SARM1: variants seen among roughly 807,000 people sequenced by gnomAD.
SARM1 encodes sterile alpha and TIR motif containing 1.
Under a neutral mutation model 65.1 loss-of-function variants are expected in SARM1, and 60 were observed. The observed-to-expected ratio is 0.92, with a 90% CI of 0.75 to 1.14. The LOEUF (loss-of-function observed/expected upper bound fraction) is 1.14. Among genes scored for constraint, SARM1 ranks in the 50% most tolerant of loss-of-function variants. The pLI, the probability that SARM1 is intolerant of heterozygous loss-of-function variation, is 0.00. For synonymous variants in SARM1, 417 were observed against 465.4 expected, an observed-to-expected ratio of 0.90 and a Z score of 1.34; for missense variants, 913 against 1,015.7, an observed-to-expected ratio of 0.90 and a Z score of 1.37.
In SARM1 at chr17:28,374,117, A is replaced by AAT. The variant is rs1555584373; in HGVS notation, c.470+1616_470+1617insTA. On this transcript the variant is annotated intron_variant, in intron 1 of 8. Coordinates refer to ENST00000585482, the MANE Select transcript of SARM1 (RefSeq NM_015077.4). ...CCCTGTCTCTACTAAAAAAAAAAAA[A>AAT]AATACAAAAATTAGCTGGGCATGGT... is the stretch of plus-strand genomic sequence containing the variant. The AAT allele has an allele frequency of 2.0e-3, 303 of 151,322 alleles. 1 individual carries two copies. The highest frequency in any genetic ancestry group is 7.1e-3 in the African/African-American group (291 of 41,184). The allele number at this position is 151,322 out of a possible 1,614,324, so 9.4% of individuals were successfully genotyped here.
Position 28,385,076 on chromosome 17 carries a change from C to A in SARM1, c.1431C>A (p.Ala477=). The change falls in exon 5 of 9, where the codon GCC becomes GCA. Residue 477 remains alanine (A), a synonymous_variant. Transcript: ENST00000585482. The surrounding 1 kb of genome is among the most constrained non-coding windows in gnomAD (Gnocchi z 4.5). ...FRELTELKTF[A]NYSTCDRSNL... ...AGCTCACGGAGCTCAAGACCTTCGC[C>A]AACTATTCTACGTGCGACCGCAGCA... is the stretch of plus-strand genomic sequence containing the variant. 6.2e-7 allele frequency: 1 copy of A among 1,613,902 alleles called. No homozygotes were observed. The highest frequency in any genetic ancestry group is 8.5e-7 in the Non-Finnish European group (1 of 1,179,854).
chr17:28,378,616 GTTTT>G (rs782037498), intron 1 of SARM1, among the ~76,000 whole-genome samples: 2 of 151,312 alleles, frequency 1.3e-5, no homozygotes. Context: ...GGTTTTATTG[GTTTT>G]TTTGTTTTTG....
intron 7 of SARM1, among the ~76,000 whole-genome samples, chr17:28,389,427 T>C (rs2142435302): frequency 6.6e-6 from 1 of 152,328 alleles, no homozygotes; most frequent in East Asian, 1.9e-4. Context: ...CCTGACGCAT[T>C]GTAGGAACTT....
Position 28,396,415 on chromosome 17 carries a change from C to A in SARM1, c.*129C>A. 9.6e-7 allele frequency: 1 copy of A among 1,042,186 alleles called. No homozygotes were observed. Among genetic ancestry groups the A allele is most frequent in the Non-Finnish European group, 1.4e-6 (1 of 706,854 alleles). 64.6% of individuals were successfully genotyped at this position (1,042,186 alleles called of 1,614,324 possible). ...CTTCTTAGGAAATGGCTCTCCCTCC[C>A]CCTGTCCCCCACCCTCATGGCCCAC... On this transcript the variant is annotated 3_prime_UTR_variant, in exon 9 of 9. Transcript: ENST00000585482.
At position 28,371,852 on chromosome 17, in the gene SARM1, G is replaced by A; in HGVS notation, c.-181G>A. Reference sequence around the variant, plus strand: ...CATCACCTTTGCCAACCGCTCCCCCGATCCTGCCGACACTCCTCCCCCAAA... The same window carrying A: ...CATCACCTTTGCCAACCGCTCCCCCAATCCTGCCGACACTCCTCCCCCAAA... On this transcript the variant is annotated 5_prime_UTR_variant, in exon 1 of 9. Transcript: ENST00000585482. 1 of 460,196 alleles carries A rather than the reference G, an allele frequency of 2.2e-6. No individual in the cohort carries two copies. Among genetic ancestry groups the A allele is most frequent in the Non-Finnish European group, 3.8e-6 (1 of 263,218 alleles). The allele number at this position is 460,196 out of a possible 1,614,324, so 28.5% of individuals were successfully genotyped here.
At chr17:28,389,857 G>A (rs979001170) in intron 7 of SARM1, among the ~76,000 whole-genome samples, 15 of 152,250 alleles carry the variant, frequency 9.9e-5, no homozygotes, top group Admixed American at 9.2e-4. Context: ...GGGCAACAGA[G>A]TGGGACCCTG....
Position 28,402,129 on chromosome 17 carries a change from G to T in SARM1, c.*5843G>T, listed in dbSNP as rs1260171479. 3.6e-5 allele frequency: 33 copies of T among 904,310 alleles called. No individual in the cohort carries two copies. In the Admixed American group the frequency reaches 7.8e-4, roughly 21 times the overall value. 56.0% of individuals were successfully genotyped at this position (904,310 alleles called of 1,614,324 possible). On this transcript the variant is annotated 3_prime_UTR_variant, in exon 9 of 9. Transcript: ENST00000585482. ...TTTGTTTTGGCCACTTACTTCTCCA[G>T]GGTGAGAGGGGGGAAGGCAAGCTGT... is the stretch of plus-strand genomic sequence containing the variant.
In SARM1 at chr17:28,385,046, T is replaced by C; in HGVS notation, c.1401T>C (p.Phe467=). ...MKSGITRKRF[F]RELTELKTFA... ...TCTCCTCCGTGGGGTGCAGGTTCTT[T>C]AGGGAGCTCACGGAGCTCAAGACCT... The change falls in exon 5 of 9, where the codon TTT becomes TTC. Residue 467 remains phenylalanine, a synonymous_variant. Coordinates refer to ENST00000585482, the MANE Select transcript of SARM1 (RefSeq NM_015077.4). This position sits in a 1 kb window ranked among gnomAD's most constrained non-coding sequence, Gnocchi z 4.5. The C allele has an allele frequency of 6.2e-7, 1 of 1,613,430 alleles. No individual in the cohort carries two copies. Among genetic ancestry groups the C allele is most frequent in the Non-Finnish European group, 8.5e-7 (1 of 1,179,542 alleles).
Position 28,385,232 on chromosome 17 carries a change from C to T in SARM1, c.1587C>T (p.Ile529=). Residue 529 remains isoleucine (I), a synonymous_variant, in exon 5 of 9, where the codon ATC becomes ATT. Transcript: ENST00000585482. This position sits in a 1 kb window ranked among gnomAD's most constrained non-coding sequence, Gnocchi z 4.5. ...AGCAGCTGCTGGAAGACTGCGGCAT[C>T]CACCTGGGCGTGCACCGCGCCCGCA... ...SEQQLLEDCG[I]HLGVHRARIL... The T allele has an allele frequency of 6.3e-7, 1 of 1,589,538 alleles. No individual in the cohort carries two copies.
chr17:28,372,001 A>G lies in SARM1; in HGVS notation c.-32A>G. On this transcript the variant is annotated 5_prime_UTR_variant, in exon 1 of 9. Coordinates refer to ENST00000585482, the MANE Select transcript of SARM1 (RefSeq NM_015077.4). This position sits in a 1 kb window ranked among gnomAD's most constrained non-coding sequence, Gnocchi z 5.2. ...GGTCTCTCCGCGTGGCCCCGCCTCC[A>G]GGCCGGGGATGTCCCCCGCGGCCCC... 7.0e-7 allele frequency: 1 copy of G among 1,424,018 alleles called. No homozygotes were observed. The highest frequency in any genetic ancestry group is 9.2e-7 in the Non-Finnish European group (1 of 1,090,728). 88.2% of individuals were successfully genotyped at this position (1,424,018 alleles called of 1,614,324 possible).
At position 28,400,854 on chromosome 17, in the gene SARM1, G is replaced by T; in HGVS notation, c.*4568G>T. 8.2e-7 allele frequency: 1 copy of T among 1,224,294 alleles called. No homozygotes were observed. The highest frequency in any genetic ancestry group is 1.2e-6 in the Non-Finnish European group (1 of 854,980). 75.8% of individuals were successfully genotyped at this position (1,224,294 alleles called of 1,614,324 possible). ...CCACCTCACAGCTGTGTGACCGGGA[G>T]TAGTCACTTAACCTATGTCTCCCCT... On this transcript the variant is annotated 3_prime_UTR_variant, in exon 9 of 9. Coordinates refer to ENST00000585482, the MANE Select transcript of SARM1 (RefSeq NM_015077.4).
chr17:28,380,969 T>C (rs2068019370), intron 1 of SARM1, among the ~76,000 whole-genome samples: 1 of 152,008 alleles, frequency 6.6e-6, no homozygotes, highest in East Asian at 1.9e-4. Context: ...ATACTGCCTC[T>C]CAAGGGGAGG....
chr17:28,385,195 G>C lies in SARM1; in HGVS notation c.1550G>C (p.Arg517Pro). 1.2e-6 allele frequency: 2 copies of C among 1,606,464 alleles called. No individual in the cohort carries two copies. The highest frequency in any genetic ancestry group is 1.7e-6 in the Non-Finnish European group (2 of 1,177,958). The part of the protein sequence containing the change: ...SCGLDRSLLH[R>P]VSEQQLLEDC... ...GGCCTGGACCGCTCCCTGCTGCACCGCGTGTCTGAGCAGCAGCTGCTGGAA... is the reference window on the plus strand; with the variant it reads ...GGCCTGGACCGCTCCCTGCTGCACCCCGTGTCTGAGCAGCAGCTGCTGGAA... The change falls in exon 5 of 9, where the codon CGC (arginine) becomes CCC (proline). Residue 517 changes from arginine (R) to proline (P), a missense_variant. Arg to Pro is a moderately radical substitution (Grantham distance 103). Coordinates refer to ENST00000585482, the MANE Select transcript of SARM1 (RefSeq NM_015077.4). This position sits in a 1 kb window ranked among gnomAD's most constrained non-coding sequence, Gnocchi z 4.5.
At chr17:28,383,139 C>T (rs533961595) in intron 2 of SARM1, among the ~76,000 whole-genome samples, 35 of 152,114 alleles carry the variant, frequency 2.3e-4, no homozygotes, top group African/African-American at 7.0e-4. Flanking sequence ...TTTGGGAGGC[C>T]GAGGCAGGTG....
At position 28,403,002 on chromosome 17, in the gene SARM1, AGAG is replaced by A. The variant is rs1370269286; in HGVS notation, c.*6723_*6725del. ...CACCGACAGAATTGAGAAGGCACAA[AGAG>A]GAGGAGAGTCAATGTGAGCACAGAG... On this transcript the variant is annotated 3_prime_UTR_variant, in exon 9 of 9. Transcript: ENST00000585482. 1 of 152,264 alleles carries A rather than the reference AGAG, an allele frequency of 6.6e-6. No individual in the cohort carries two copies. Among genetic ancestry groups the A allele is most frequent in the African/African-American group, 2.4e-5 (1 of 41,452 alleles). 9.4% of individuals were successfully genotyped at this position (152,264 alleles called of 1,614,324 possible). A position where few individuals can be genotyped will look rare whatever the true frequency, so the allele number is the denominator to read the frequency against.
chr17:28,391,885 T>TG (rs561332620), intron 7 of SARM1, among the ~76,000 whole-genome samples: 28 of 149,522 alleles, frequency 1.9e-4, no homozygotes, highest in Non-Finnish European at 3.4e-4. Context: ...ACTCCGTTTT[T>TG]TTTTTTTTTT....
intron 1 of SARM1, among the ~76,000 whole-genome samples, chr17:28,377,695 G>A (rs1305325424): frequency 6.6e-6 from 1 of 152,112 alleles, no homozygotes; most frequent in Non-Finnish European, 1.5e-5. Context: ...GTCACCTGTG[G>A]AGGACATCAC....
chr17:28,388,597 G>T (rs2068065084), intron 7 of SARM1, 58 bp downstream of exon 7: 2 of 1,539,588 alleles, frequency 1.3e-6, no homozygotes, highest in Admixed American at 3.5e-5. Flanking sequence ...CAGAAGATAG[G>T]GTCGTCTTCT....
At chr17:28,392,394 A>G (rs777610494) in intron 7 of SARM1, among the ~76,000 whole-genome samples, 27 of 152,024 alleles carry the variant, frequency 1.8e-4, no homozygotes, top group Non-Finnish European at 3.2e-4. Context: ...GGGATTACAG[A>G]CATGAGCCAC....
Sources: gnomAD v4.1 joint callset for allele counts (sites outside exome capture counted in the v4.1 genomes callset) on GRCh38, gnomAD v4.1.1 for gene constraint, Gnocchi (gnomAD v3.1) non-coding constraint, MANE v1.5 for transcripts, NCBI Gene and HGNC (gene_info 2026-07-23, HGNC 2026-07-21) for gene names.